The following RSPH4A variants were observed in gnomAD, a reference collection of about 807,000 sequenced individuals.
RSPH4A encodes radial spoke head component 4A.
In RSPH4A, 47 loss-of-function variants were observed where a neutral mutation model predicts 71.0. That is an observed-to-expected ratio of 0.66 (90% confidence interval 0.52 to 0.84). RSPH4A has a LOEUF of 0.84. Ranked by LOEUF, RSPH4A falls within the 40% of genes least tolerant of loss-of-function variation. The pLI is 0.00. For missense variants in RSPH4A, 793 were observed against 855.2 expected, an observed-to-expected ratio of 0.93 and a Z score of 0.91; for synonymous variants, 282 against 302.3, an observed-to-expected ratio of 0.93 and a Z score of 0.70.
intron 5 of RSPH4A, among the ~76,000 whole-genome samples, chr6:116,631,580 A>AGGAGGGGCT (rs1200580817): frequency 6.6e-6 from 1 of 152,192 alleles, no homozygotes; most frequent in Non-Finnish European, 1.5e-5. Context: ...GAGCAGAGAA[A>AGGAGGGGCT]GGAGGGGCTG....
rs111704917 is a variant in RSPH4A, at chr6:116,619,669, T to C, written c.686+2360T>C. Among the ~76,000 whole-genome samples, 501 of 152,116 alleles carry C rather than the reference T, an allele frequency of 3.3e-3. 4 individuals carry two copies. The highest frequency in any genetic ancestry group is 0.012 in the African/African-American group (484 of 41,570). On this transcript the variant is annotated intron_variant, in intron 1 of 5. Transcript: ENST00000229554. The stretch of plus-strand genomic sequence containing the variant: ...AAGGAATAAAAAAATTAATGTATGA[T>C]GTGAGAAATCTCATGAAATGTGAGA...
chr6:116,630,317 ATGTG>A (rs1347626374), intron 4 of RSPH4A, 114 bp from the exon 5 acceptor site: 11 of 756,056 alleles, frequency 1.5e-5, no homozygotes, highest in Admixed American at 8.7e-5. Context: ...TGTATCAAGT[ATGTG>A]TGTATCTGTG....
intron 1 of RSPH4A, among the ~76,000 whole-genome samples, chr6:116,621,909 A>AT (rs548522231): frequency 1.2e-3 from 176 of 152,340 alleles, no homozygotes; most frequent in African/African-American, 4.1e-3. Context: ...TTTGACAGAC[A>AT]TTTTGGCCTC....
chr6:116,628,768 T>C (rs1223815838), intron 3 of RSPH4A, among the ~76,000 whole-genome samples: 2 of 152,164 alleles, frequency 1.3e-5, no homozygotes, highest in Non-Finnish European at 2.9e-5. Flanking sequence ...GTAGCTTTTG[T>C]GCCAAGAACA....
chr6:116,616,724 A>G lies in RSPH4A; in HGVS notation c.101A>G (p.Tyr34Cys). ...GGAAAGACAGCAGCTTCTCCCCAAT[A>G]TTCTGAGCCTGAGTCGTCTGAGCCC... is the stretch of plus-strand genomic sequence containing the variant. ...WEGKTAASPQ[Y>C]SEPESSEPLE... Residue 34 changes from tyrosine (Y) to cysteine (C), a missense_variant, in exon 1 of 6, where the codon TAT (tyrosine) becomes TGT (cysteine). Physicochemically the swap from Tyr to Cys is radical, Grantham distance 194 (BLOSUM62 -2). Transcript: ENST00000229554. 1 of 1,614,138 alleles carries G rather than the reference A, an allele frequency of 6.2e-7. No homozygotes were observed. Among genetic ancestry groups the G allele is most frequent in the Non-Finnish European group, 8.5e-7 (1 of 1,180,012 alleles).
At position 116,622,774 on chromosome 6, in the gene RSPH4A, T is replaced by C. The variant is rs759260785; in HGVS notation, c.693T>C (p.Asp231=). 6.3e-6 allele frequency: 10 copies of C among 1,583,516 alleles called. No individual in the cohort carries two copies. The South Asian group carries it at 6.6e-5, about 11-fold the overall frequency. ...ATTTTCTCTGTTTGGATAGATATGATCATCTTTCTAATATGTTGACCAAGA... is the reference window on the plus strand; with the variant it reads ...ATTTTCTCTGTTTGGATAGATATGACCATCTTTCTAATATGTTGACCAAGA... ...TSSNSGFNLY[D]HLSNMLTKIL... is the part of the protein sequence containing the mutation. Residue 231 remains aspartate, a synonymous_variant, in exon 2 of 6, where the codon GAT becomes GAC. Coordinates refer to ENST00000229554, the MANE Select transcript of RSPH4A (RefSeq NM_001010892.3).
In RSPH4A at chr6:116,616,800, T is replaced by C. The variant is rs1446518148; in HGVS notation, c.177T>C (p.Arg59=). 1.2e-6 allele frequency: 2 copies of C among 1,614,096 alleles called. No homozygotes were observed. Among genetic ancestry groups the C allele is most frequent in the Non-Finnish European group, 1.7e-6 (2 of 1,179,992 alleles). ...CTGGACGCCAGTCCCGAAGCAGCCG[T>C]CCTTGGAGCCCGCAGTCTAGAGCCA... ...PETGRQSRSS[R]PWSPQSRAKT... is the part of the protein sequence containing the mutation. Residue 59 remains arginine (R), a synonymous_variant, in exon 1 of 6, where the codon CGT becomes CGC. Coordinates refer to ENST00000229554, the MANE Select transcript of RSPH4A (RefSeq NM_001010892.3).
intron 2 of RSPH4A, among the ~76,000 whole-genome samples, chr6:116,624,377 A>C (rs1484792264): frequency 6.6e-6 from 1 of 152,228 alleles, no homozygotes; most frequent in African/African-American, 2.4e-5. Flanking sequence ...TACAGGAGTT[A>C]ATCAAAGAAA....
intron 2 of RSPH4A, among the ~76,000 whole-genome samples, chr6:116,627,183 TATC>T (rs1472504199): frequency 6.6e-6 from 1 of 152,140 alleles, no homozygotes; most frequent in Non-Finnish European, 1.5e-5. Context: ...ATTCAGGAAT[TATC>T]ATACTTTGAC....
chr6:116,628,511 C>T, intron 3 of RSPH4A, 142 bp downstream of exon 3: 1 of 680,476 alleles, frequency 1.5e-6, no homozygotes, highest in Non-Finnish European at 2.5e-6. Flanking sequence ...AAAACACAGC[C>T]AAAAATGCAG....
chr6:116,626,487 G>A (rs1775695923), intron 2 of RSPH4A, among the ~76,000 whole-genome samples: 1 of 151,966 alleles, frequency 6.6e-6, no homozygotes, highest in Non-Finnish European at 1.5e-5. Flanking sequence ...GACTACAGGT[G>A]CTCCCCACCA....
chr6:116,630,374 TTACACAGTAGATTCTTGTC>T, intron 4 of RSPH4A, 42 bp from the exon 5 acceptor site: 1 of 860,166 alleles, frequency 1.2e-6, no homozygotes, highest in Non-Finnish European at 2.0e-6. Flanking sequence ...TAAAAATAGC[TTACACAGTAGATTCTTGTC>T]TAGTTAGGAA....
At chr6:116,631,575 G>C (rs537560460) in intron 5 of RSPH4A, among the ~76,000 whole-genome samples, 11 of 152,334 alleles carry the variant, frequency 7.2e-5, no homozygotes, top group African/African-American at 2.6e-4. Context: ...ACAGAGAGCA[G>C]AGAAAGGAGG....
Position 116,630,587 on chromosome 6 carries a change from G to C in RSPH4A, c.1916+35G>C, listed in dbSNP as rs763527344. On this transcript the variant is annotated intron_variant, in intron 5 of 5. Transcript: ENST00000229554. The stretch of plus-strand genomic sequence containing the variant: ...TGACCACTTACAAAGCCATTTCTGT[G>C]ATTAGTTAAGCTCTGGAAATTATAA... 5 of 851,460 alleles carry C rather than the reference G, an allele frequency of 5.9e-6. No individual in the cohort carries two copies. In the South Asian group the frequency reaches 6.5e-5, roughly 11 times the overall value. 52.7% of individuals were successfully genotyped at this position (851,460 alleles called of 1,614,324 possible).
chr6:116,616,812 G>A lies in RSPH4A; in HGVS notation c.189G>A (p.Pro63=), dbSNP rs1461905528. The change falls in exon 1 of 6, where the codon CCG becomes CCA. Residue 63 remains proline, a synonymous_variant. Coordinates refer to ENST00000229554, the MANE Select transcript of RSPH4A (RefSeq NM_001010892.3). Reference sequence around the variant, plus strand: ...CCCGAAGCAGCCGTCCTTGGAGCCCGCAGTCTAGAGCCAAGACGCCTCTGG... The same window carrying A: ...CCCGAAGCAGCCGTCCTTGGAGCCCACAGTCTAGAGCCAAGACGCCTCTGG... ...RQSRSSRPWS[P]QSRAKTPLGG... 1 of 1,614,150 alleles carries A rather than the reference G, an allele frequency of 6.2e-7. No individual in the cohort carries two copies. Among genetic ancestry groups the A allele is most frequent in the East Asian group, 2.2e-5 (1 of 44,858 alleles).
intron 2 of RSPH4A, among the ~76,000 whole-genome samples, chr6:116,626,847 A>G (rs1319530420): frequency 2.0e-5 from 3 of 152,300 alleles, no homozygotes; most frequent in African/African-American, 7.2e-5. Flanking sequence ...ACATTACATT[A>G]TACAGGATAC....
In RSPH4A at chr6:116,624,720, C is replaced by T. The variant is rs1474166030; in HGVS notation, c.921+1718C>T. Among the ~76,000 whole-genome samples the T allele has an allele frequency of 3.3e-5, 5 of 152,294 alleles. No homozygotes were observed. The South Asian group carries it at 6.2e-4, about 19-fold the overall frequency. On this transcript the variant is annotated intron_variant, in intron 2 of 5. Coordinates refer to ENST00000229554, the MANE Select transcript of RSPH4A (RefSeq NM_001010892.3). Reference sequence around the variant, plus strand: ...CTGACTTATATGTTTAGAGTGTTCACGTTTTTATTCCTGCCTTTGACCACA... The same window carrying T: ...CTGACTTATATGTTTAGAGTGTTCATGTTTTTATTCCTGCCTTTGACCACA...
chr6:116,632,218 A>T lies in RSPH4A; in HGVS notation c.1928A>T (p.Asn643Ile), dbSNP rs779796065. ...YAFSNGKKFE[N>I]FYIGWGHKYS... ...TTTCTTACTTATAGAAAGTTTGAAA[A>T]TTTCTACATAGGCTGGGGTCATAAG... The change falls in exon 6 of 6, where the codon AAT (asparagine) becomes ATT (isoleucine). Residue 643 changes from asparagine to isoleucine, a missense_variant. Physicochemically the swap from Asn to Ile is moderately radical, Grantham distance 149. Transcript: ENST00000229554. The T allele has an allele frequency of 4.4e-5, 70 of 1,609,078 alleles. No homozygotes were observed. Among genetic ancestry groups the T allele is most frequent in the Non-Finnish European group, 5.6e-5 (66 of 1,178,056 alleles).
chr6:116,630,791 G>A (rs1775790042), intron 5 of RSPH4A, among the ~76,000 whole-genome samples: 2 of 139,104 alleles, frequency 1.4e-5, no homozygotes, highest in Admixed American at 1.5e-4. Context: ...TCCTGCCTCA[G>A]CCTTCCCAGT....
Sources: gnomAD v4.1 joint callset for allele counts (sites outside exome capture counted in the v4.1 genomes callset) on GRCh38, gnomAD v4.1.1 for gene constraint, MANE v1.5 for transcripts, NCBI Gene and HGNC (gene_info 2026-07-23, HGNC 2026-07-21) for gene names.